Variants in APBA1 observed in about 807,000 individuals in gnomAD.
The protein encoded by APBA1 is amyloid-beta A4 precursor protein-binding family A member 1.
A neutral mutation model predicts 86.6 loss-of-function variants in APBA1; 55 were observed. That is an observed-to-expected ratio of 0.64 (90% CI 0.51 to 0.80). The LOEUF (loss-of-function observed/expected upper bound fraction) is 0.80. Among genes scored for constraint, APBA1 ranks in the 30% least tolerant of loss-of-function variants. APBA1 has a pLI of 0.00. For missense variants in APBA1, 1,090 were observed against 1,183.0 expected (o/e 0.92, Z 1.15); for synonymous variants, 511 against 493.9 (o/e 1.03, Z -0.46).
intron 2 of APBA1, among the ~76,000 whole-genome samples, chr9:69,482,637 G>A (rs1310907890): frequency 2.0e-5 from 3 of 151,334 alleles, no homozygotes; most frequent in Non-Finnish European, 4.4e-5. Context: ...ATACCCAAAG[G>A]ACTATAAATC....
chr9:69,579,802 G>A (rs1286888687), intron 1 of APBA1, among the ~76,000 whole-genome samples: 1 of 152,024 alleles, frequency 6.6e-6, no homozygotes, highest in Non-Finnish European at 1.5e-5. Context: ...AGGAAGGAGA[G>A]GACAGAAAAG....
At chr9:69,603,933 G>C (rs755946313) in intron 1 of APBA1, among the ~76,000 whole-genome samples, 6 of 152,170 alleles carry the variant, frequency 3.9e-5, no homozygotes, top group Non-Finnish European at 8.8e-5. Flanking sequence ...CTAGAGGAGA[G>C]ATCAGATACT....
At chr9:69,550,282 T>G (rs1341327118) in intron 1 of APBA1, among the ~76,000 whole-genome samples, 2 of 152,230 alleles carry the variant, frequency 1.3e-5, no homozygotes, top group Non-Finnish European at 2.9e-5. Context: ...GCAATTTCTT[T>G]CCATGATATA....
chr9:69,527,498 T>C (rs1348069442), intron 1 of APBA1, among the ~76,000 whole-genome samples: 1 of 152,124 alleles, frequency 6.6e-6, no homozygotes, highest in Non-Finnish European at 1.5e-5. Flanking sequence ...AATTATTATC[T>C]GCATTTTCTG....
At chr9:69,446,860 G>T (rs1229379122) in intron 10 of APBA1, among the ~76,000 whole-genome samples, 2 of 152,208 alleles carry the variant, frequency 1.3e-5, no homozygotes, top group African/African-American at 4.8e-5. Context: ...GCCTCAGGAA[G>T]CGCGGCTTGT....
intron 1 of APBA1, among the ~76,000 whole-genome samples, chr9:69,575,730 C>T (rs1430645627): frequency 6.6e-6 from 1 of 152,146 alleles, no homozygotes; most frequent in Non-Finnish European, 1.5e-5. Context: ...AGACTTAAAT[C>T]TTAGACCTAA....
chr9:69,601,888 A>T (rs1822356337), intron 1 of APBA1, among the ~76,000 whole-genome samples: 1 of 152,202 alleles, frequency 6.6e-6, no homozygotes, highest in Non-Finnish European at 1.5e-5. Flanking sequence ...TCTAATACCA[A>T]ACAATGCTCA....
rs181012322 is a variant in APBA1, at chr9:69,671,620, C to T, written c.-70+533G>A. Among the ~76,000 whole-genome samples the T allele has an allele frequency of 2.3e-3, 351 of 152,254 alleles. 5 individuals carry two copies. Among genetic ancestry groups the T allele is most frequent in the East Asian group, 7.7e-4 (4 of 5,182 alleles). On this transcript the variant is annotated intron_variant, in intron 1 of 12. Transcript: ENST00000265381. ...TGGGGAACGTGGATGCAACCACACG[C>T]GTACACACACATATACAGGATTTTA...
intron 1 of APBA1, among the ~76,000 whole-genome samples, chr9:69,589,123 T>G (rs1410265753): frequency 1.3e-5 from 2 of 151,974 alleles, no homozygotes; most frequent in Non-Finnish European, 2.9e-5. Context: ...CCCAGCTAAT[T>G]TTTGTAATTT....
chr9:69,568,705 G>A (rs1416874117), intron 1 of APBA1, among the ~76,000 whole-genome samples: 1 of 152,220 alleles, frequency 6.6e-6, no homozygotes, highest in Non-Finnish European at 1.5e-5. Flanking sequence ...ACACAGCACA[G>A]TGGTCAAGAA....
chr9:69,472,126 C>A (rs1409199748), intron 3 of APBA1, among the ~76,000 whole-genome samples: 2 of 152,326 alleles, frequency 1.3e-5, no homozygotes, highest in Non-Finnish European at 2.9e-5. Flanking sequence ...CCACAGTGAT[C>A]TCTCACTGTG....
At chr9:69,468,014 C>A in intron 4 of APBA1, 46 bp from the exon 5 acceptor site, 1 of 1,596,318 alleles carries the variant, frequency 6.3e-7, no homozygotes, top group Non-Finnish European at 8.6e-7. Flanking sequence ...TGGGGTGGGG[C>A]CTGCCAACCC....
intron 8 of APBA1, among the ~76,000 whole-genome samples, chr9:69,454,910 A>C (rs1835069890): frequency 6.6e-6 from 1 of 152,178 alleles, no homozygotes; most frequent in Non-Finnish European, 1.5e-5. Flanking sequence ...CTTTACAGGA[A>C]CAGTAGGGAG....
In APBA1 at chr9:69,516,786, T is replaced by C; in HGVS notation, c.425A>G (p.His142Arg). ...QAEAEHAEAT[H>R]RRALPNHLHF... is the part of the protein sequence containing the mutation. ...CAGGTGGTTGGGCAGCGCGCGGCGG[T>C]GCGTGGCCTCGGCGTGCTCGGCCTC... Residue 142 changes from histidine to arginine, a missense_variant, in exon 2 of 13, where the codon CAC becomes CGC. Coordinates refer to ENST00000265381, the MANE Select transcript of APBA1 (RefSeq NM_001163.4). This position sits in a 1 kb window ranked among gnomAD's most constrained non-coding sequence, Gnocchi z 7.3. 1 of 1,610,726 alleles carries C rather than the reference T, an allele frequency of 6.2e-7. No homozygotes were observed. The highest frequency in any genetic ancestry group is 1.1e-5 in the South Asian group (1 of 90,968).
At chr9:69,600,007 G>T (rs1822315328) in intron 1 of APBA1, among the ~76,000 whole-genome samples, 1 of 152,182 alleles carries the variant, frequency 6.6e-6, no homozygotes, top group Admixed American at 6.5e-5. Flanking sequence ...CTCACACCCA[G>T]AAACATGACC....
intron 1 of APBA1, among the ~76,000 whole-genome samples, chr9:69,606,136 A>G (rs1822466679): frequency 6.6e-6 from 1 of 152,222 alleles, no homozygotes; most frequent in Non-Finnish European, 1.5e-5. Flanking sequence ...TATGCAAGCA[A>G]ATACTGTTCT....
At chr9:69,523,477 GTATATA>G (rs1163577400) in intron 1 of APBA1, among the ~76,000 whole-genome samples, 98 of 80,630 alleles carry the variant, frequency 1.2e-3, no homozygotes, top group African/African-American at 5.1e-3. Flanking sequence ...ATATATATAT[GTATATA>G]TATATATATA....
At chr9:69,473,804 A>G (rs1403073884) in intron 3 of APBA1, among the ~76,000 whole-genome samples, 2 of 152,222 alleles carry the variant, frequency 1.3e-5, no homozygotes, top group East Asian at 3.8e-4. Flanking sequence ...TTCTCTATGC[A>G]TGAGCTCATG....
Position 69,449,763 on chromosome 9 carries a change from C to G in APBA1, c.2002G>C (p.Gly668Arg), listed in dbSNP as rs1402363395. 3.6e-5 allele frequency: 58 copies of G among 1,613,186 alleles called. No homozygotes were observed. Among genetic ancestry groups the G allele is most frequent in the Non-Finnish European group, 4.8e-5 (57 of 1,179,388 alleles). ...FIEKQKGEILGVVIVESGWGS... is the reference protein window; with the variant it reads ...FIEKQKGEILRVVIVESGWGS... Reference sequence around the variant, plus strand: ...CAGCCAGACTCCACAATCACCACACCTAGGATTTCTCCTTTCTGCTTCTCT... The same window carrying G: ...CAGCCAGACTCCACAATCACCACACGTAGGATTTCTCCTTTCTGCTTCTCT... Residue 668 changes from glycine (G) to arginine (R), a missense_variant, in exon 10 of 13, where the codon GGT becomes CGT. Physicochemically the swap from Gly to Arg is moderately radical, Grantham distance 125 (BLOSUM62 -2). This residue lies in a region of APBA1 where 97 missense variants were observed against 166.8 expected (regional missense o/e 0.58). Transcript: ENST00000265381.
Sources: gnomAD v4.1 joint callset for allele counts (sites outside exome capture counted in the v4.1 genomes callset) on GRCh38, gnomAD v4.1.1 for gene constraint, gnomAD v4.1.1 regional missense constraint, Gnocchi (gnomAD v3.1) non-coding constraint, MANE v1.5 for transcripts, NCBI Gene and HGNC (gene_info 2026-07-23, HGNC 2026-07-21) for gene names.